Variants in BOD1 observed in about 807,000 individuals in gnomAD.
The protein encoded by BOD1 is biorientation of chromosomes in cell division protein 1.
BOD1 carries 11 observed loss-of-function variants against 15.7 expected under a neutral mutation model. The ratio of observed to expected loss-of-function variants is 0.70; its 90% CI spans 0.44 to 1.16. The LOEUF (loss-of-function observed/expected upper bound fraction) is 1.16, where lower values mean the gene tolerates loss of function less well. BOD1 is among the 50% of genes most tolerant of loss of function. BOD1 has a pLI of 0.00. For synonymous variants in BOD1, 105 were observed against 103.5 expected, an observed-to-expected ratio of 1.01 and a Z score of -0.09; for missense variants, 182 against 244.5, an observed-to-expected ratio of 0.74 and a Z score of 1.70.
At chr5:173,609,106 A>G (rs1038230839) in intron 3 of BOD1, 132 bp downstream of exon 3, 1 of 1,004,342 alleles carries the variant, frequency 1.0e-6, no homozygotes, top group South Asian at 1.7e-5. Flanking sequence ...GTGACTTATA[A>G]CAGTAGGTGA....
chr5:173,609,123 T>C, intron 3 of BOD1, 115 bp downstream of exon 3: 1 of 1,150,686 alleles, frequency 8.7e-7, no homozygotes, highest in Non-Finnish European at 1.2e-6. Context: ...GTGAAGTCCA[T>C]CTGCAGTAAA....
At chr5:173,609,490 GC>G (rs1360913271) in intron 2 of BOD1, 56 bp from the exon 3 acceptor site, 2 of 1,447,032 alleles carry the variant, frequency 1.4e-6, no homozygotes, top group Non-Finnish European at 1.9e-6. Flanking sequence ...TTCATCTTTA[GC>G]CCCAATAAGT....
Position 173,616,631 on chromosome 5 carries a change from G to A in BOD1, c.-195C>T, listed in dbSNP as rs1755519035. The stretch of plus-strand genomic sequence containing the variant: ...GGCCCCCTCTGATACAGCAGAGGTT[G>A]TGGTGGACGCGGCAGAAACGGCCTG... On this transcript the variant is annotated 5_prime_UTR_variant, in exon 1 of 4. Transcript: ENST00000311086. The A allele has an allele frequency of 3.0e-6, 4 of 1,318,328 alleles. No homozygotes were observed. Among genetic ancestry groups the A allele is most frequent in the Non-Finnish European group, 3.9e-6 (4 of 1,038,752 alleles). 81.7% of individuals were successfully genotyped at this position (1,318,328 alleles called of 1,614,324 possible).
At chr5:173,614,016 A>G (rs776081748) in intron 1 of BOD1, among the ~76,000 whole-genome samples, 2 of 152,218 alleles carry the variant, frequency 1.3e-5, no homozygotes, top group Non-Finnish European at 2.9e-5. Flanking sequence ...TCTCTAGAGG[A>G]AGAAGCTGTA....
chr5:173,608,233 T>G lies in BOD1; in HGVS notation c.*61A>C. 1 of 1,605,382 alleles carries G rather than the reference T, an allele frequency of 6.2e-7. No homozygotes were observed. Among genetic ancestry groups the G allele is most frequent in the South Asian group, 1.1e-5 (1 of 90,856 alleles). On this transcript the variant is annotated 3_prime_UTR_variant, in exon 4 of 4. Coordinates refer to ENST00000311086, the MANE Select transcript of BOD1 (RefSeq NM_138369.3). ...CTATCTTCAGTCTGAAGTTGCACTC[T>G]TATGTAACCGAATCCATTTCTTCAC...
At position 173,616,368 on chromosome 5, in the gene BOD1, G is replaced by A. The variant is rs61742044; in HGVS notation, c.69C>T (p.Ala23=). 2.4e-4 allele frequency: 367 copies of A among 1,528,968 alleles called. No homozygotes were observed. In the East Asian group the frequency reaches 3.0e-3, roughly 12 times the overall value. The allele number at this position is 1,528,968 out of a possible 1,614,324, so 94.7% of individuals were successfully genotyped here. ...CCCCAGTAGCGCCAGTCGCTGCCCC[G>A]GCAGAGGCCTGGCTAGTTCCGCCGC... is the stretch of plus-strand genomic sequence containing the variant. The part of the protein sequence containing the change: ...VGGGGTSQAS[A]GAATGATGAS... Residue 23 remains alanine, a synonymous_variant, in exon 1 of 4, where the codon GCC becomes GCT. Transcript: ENST00000311086.
At chr5:173,610,273 C>T (rs1476056393) in intron 2 of BOD1, among the ~76,000 whole-genome samples, 2 of 152,110 alleles carry the variant, frequency 1.3e-5, no homozygotes, top group East Asian at 3.9e-4. Flanking sequence ...CTTATTTTCC[C>T]GTAGACTTGA....
intron 1 of BOD1, 131 bp downstream of exon 1, chr5:173,616,069 G>A (rs2113345128): frequency 1.8e-6 from 2 of 1,142,120 alleles, no homozygotes; most frequent in Non-Finnish European, 2.5e-6. Flanking sequence ...ACTGCCCCAA[G>A]CGGTGTAAGA....
rs570753280 is a variant in BOD1, at chr5:173,611,391, C to G, written c.362+1740G>C. ...CCTGGGGAGAGCACCTGGGGGCAAG[C>G]AGAAAGTCTGCGTTTCGAAACTCCA... On this transcript the variant is annotated intron_variant, in intron 2 of 3. Transcript: ENST00000311086. 3.9e-5 allele frequency among the ~76,000 whole-genome samples: 6 copies of G among 152,310 alleles called. No individual in the cohort carries two copies. In the South Asian group the frequency reaches 1.2e-3, roughly 32 times the overall value.
Position 173,608,107 on chromosome 5 carries a change from G to A in BOD1, c.*187C>T, listed in dbSNP as rs1755249972. The A allele has an allele frequency of 1.0e-5, 5 of 493,774 alleles. No individual in the cohort carries two copies. In the Admixed American group the frequency reaches 1.5e-4, roughly 15 times the overall value. The allele number at this position is 493,774 out of a possible 1,614,324, so 30.6% of individuals were successfully genotyped here. A position where few individuals can be genotyped will look rare whatever the true frequency, so the allele number is the denominator to read the frequency against. Reference sequence around the variant, plus strand: ...GGCCAAATGGCAGCACAATGCAGGGGGTGACACGGTCAACTCTCCCACTGC... The same window carrying A: ...GGCCAAATGGCAGCACAATGCAGGGAGTGACACGGTCAACTCTCCCACTGC... On this transcript the variant is annotated 3_prime_UTR_variant, in exon 4 of 4. Coordinates refer to ENST00000311086, the MANE Select transcript of BOD1 (RefSeq NM_138369.3).
chr5:173,616,317 G>A lies in BOD1; in HGVS notation c.120C>T (p.Asn40=), dbSNP rs1444707010. 2.0e-6 allele frequency: 3 copies of A among 1,536,462 alleles called. No individual in the cohort carries two copies. The highest frequency in any genetic ancestry group is 1.2e-5 in the South Asian group (1 of 83,712). ...GGTCGCCGGGAGGCAGCGAGGCCGG[G>A]TTGATGGGGCCACCGCCCCCGCTGG... is the stretch of plus-strand genomic sequence containing the variant. The part of the protein sequence containing the change: ...TGASGGGGPI[N]PASLPPGDPQ... Residue 40 remains asparagine (N), a synonymous_variant, in exon 1 of 4, where the codon AAC becomes AAT. Transcript: ENST00000311086.
At chr5:173,609,192 A>G (rs1439866945) in intron 3 of BOD1, 46 bp downstream of exon 3, 1 of 1,481,138 alleles carries the variant, frequency 6.8e-7, no homozygotes, top group African/African-American at 1.6e-5. Context: ...TTACATATCT[A>G]CAAGCCAGAG....
chr5:173,611,208 A>G (rs1205831636), intron 2 of BOD1, among the ~76,000 whole-genome samples: 1 of 152,254 alleles, frequency 6.6e-6, no homozygotes, highest in Non-Finnish European at 1.5e-5. Flanking sequence ...GATGGAAAAA[A>G]CAAATATTGT....
intron 3 of BOD1, among the ~76,000 whole-genome samples, 156 bp from the exon 4 acceptor site, chr5:173,608,448 C>CA (rs1368619460): frequency 6.6e-6 from 1 of 152,134 alleles, no homozygotes; most frequent in Non-Finnish European, 1.5e-5. Flanking sequence ...AATAGAGGAA[C>CA]AAAAAGACAG....
chr5:173,607,873 A>G lies in BOD1; in HGVS notation c.*421T>C, dbSNP rs1755244071. 5.3e-6 allele frequency: 1 copy of G among 188,912 alleles called. No homozygotes were observed. The highest frequency in any genetic ancestry group is 2.3e-5 in the African/African-American group (1 of 42,988). 11.7% of individuals were successfully genotyped at this position (188,912 alleles called of 1,614,324 possible). A position where few individuals can be genotyped will look rare whatever the true frequency, so the allele number is the denominator to read the frequency against. ...ATAAGCACTGTCAAAGACTACTCCC[A>G]GCTAATCTTTACTGTCATTTTTCTT... is the stretch of plus-strand genomic sequence containing the variant. On this transcript the variant is annotated 3_prime_UTR_variant, in exon 4 of 4. Coordinates refer to ENST00000311086, the MANE Select transcript of BOD1 (RefSeq NM_138369.3).
At chr5:173,611,361 G>A (rs1397735040) in intron 2 of BOD1, among the ~76,000 whole-genome samples, 1 of 152,242 alleles carries the variant, frequency 6.6e-6, no homozygotes, top group Non-Finnish European at 1.5e-5. Context: ...GGCCTGCAGT[G>A]TCCACCTGGG....
chr5:173,612,995 G>A (rs547326850), intron 2 of BOD1, 136 bp downstream of exon 2: 1 of 1,172,002 alleles, frequency 8.5e-7, no homozygotes, highest in East Asian at 2.4e-5. Context: ...TATAACAAAA[G>A]AGCAGACTGC....
At chr5:173,615,451 CCAGTGA>C (rs1383234330) in intron 1 of BOD1, among the ~76,000 whole-genome samples, 1 of 152,208 alleles carries the variant, frequency 6.6e-6, no homozygotes, top group Non-Finnish European at 1.5e-5. Context: ...CTGCAGGAGT[CCAGTGA>C]CAGGGTCTCC....
In BOD1 at chr5:173,616,492, A is replaced by G. The variant is rs1755509693; in HGVS notation, c.-56T>C. ...ACTATAGCTTCTTCTCCAGGACAGA[A>G]GGCCTAGAACGTGTAGAGGTGGTGA... is the stretch of plus-strand genomic sequence containing the variant. On this transcript the variant is annotated 5_prime_UTR_variant, in exon 1 of 4. Coordinates refer to ENST00000311086, the MANE Select transcript of BOD1 (RefSeq NM_138369.3). The G allele has an allele frequency of 3.9e-6, 6 of 1,545,782 alleles. No homozygotes were observed. Among genetic ancestry groups the G allele is most frequent in the Admixed American group, 1.9e-5 (1 of 53,850 alleles).
Sources: allele counts gnomAD v4.1 joint callset (sites outside exome capture counted in the v4.1 genomes callset), GRCh38; gene constraint gnomAD v4.1.1; transcripts MANE v1.5; gene names NCBI Gene and HGNC (gene_info 2026-07-23, HGNC 2026-07-21).